The following PTPRS variants were observed in gnomAD, a reference collection of about 807,000 sequenced individuals.
PTPRS encodes protein tyrosine phosphatase receptor type S.
PTPRS carries 63 observed loss-of-function variants against 215.3 expected under a neutral mutation model. That is an observed-to-expected ratio of 0.29 (90% confidence interval 0.24 to 0.36). PTPRS has a LOEUF of 0.36. Ranked by LOEUF, PTPRS falls within the 10% of genes least tolerant of loss-of-function variation. The pLI is 1.00. For synonymous variants in PTPRS, 1,404 were observed against 1,191.4 expected, an observed-to-expected ratio of 1.18 and a Z score of -3.68; for missense variants, 2,258 against 2,825.8, an observed-to-expected ratio of 0.80 and a Z score of 4.56.
intron 1 of PTPRS, among the ~76,000 whole-genome samples, chr19:5,307,269 T>C (rs1189240277): frequency 1.3e-5 from 2 of 152,256 alleles, no homozygotes; most frequent in Middle Eastern, 3.4e-3. Flanking sequence ...GATCATGCCA[T>C]TGCACTCTAG....
intron 1 of PTPRS, among the ~76,000 whole-genome samples, chr19:5,322,134 C>T (rs1029647742): frequency 6.6e-6 from 1 of 152,234 alleles, no homozygotes; most frequent in Non-Finnish European, 1.5e-5. Context: ...TGACAGGGAA[C>T]TGCAGGCCCC....
At chr19:5,289,487 A>C (rs2048634200) in intron 1 of PTPRS, among the ~76,000 whole-genome samples, 1 of 151,980 alleles carries the variant, frequency 6.6e-6, no homozygotes, top group South Asian at 2.1e-4. Flanking sequence ...ACAGCCCTCC[A>C]TGGCTCCCAC....
At chr19:5,277,161 G>A (rs1330670009) in intron 2 of PTPRS, among the ~76,000 whole-genome samples, 1 of 149,842 alleles carries the variant, frequency 6.7e-6, no homozygotes, top group African/African-American at 2.5e-5. Flanking sequence ...CTGGGTTCAT[G>A]CCATTCTCCT....
At chr19:5,229,778 C>CCAGGATG (rs2042862721) in intron 14 of PTPRS, 94 bp from the exon 15 acceptor site, 1 of 780,918 alleles carries the variant, frequency 1.3e-6, no homozygotes, top group Non-Finnish European at 1.7e-6. Flanking sequence ...TTCCAGGATG[C>CCAGGATG]CGAGTGGCTG....
At chr19:5,328,958 CGTGG>C (rs1873495587) in intron 1 of PTPRS, among the ~76,000 whole-genome samples, 2 of 152,284 alleles carry the variant, frequency 1.3e-5, no homozygotes, top group Admixed American at 1.3e-4. Flanking sequence ...GGTCATTAGA[CGTGG>C]CAATGCTGGT....
intron 9 of PTPRS, among the ~76,000 whole-genome samples, chr19:5,249,301 A>G (rs564457770): frequency 6.6e-6 from 1 of 152,320 alleles, no homozygotes; most frequent in South Asian, 2.1e-4. Context: ...ACAGAGCGAG[A>G]CTCCATCTCC....
chr19:5,337,696 G>A (rs1233795572), intron 1 of PTPRS, among the ~76,000 whole-genome samples: 1 of 152,134 alleles, frequency 6.6e-6, no homozygotes, highest in African/African-American at 2.4e-5. Flanking sequence ...GAAAAAAATG[G>A]GTGCACAGTG....
chr19:5,258,099 T>C lies in PTPRS; in HGVS notation c.624A>G (p.Glu208=). 6.2e-7 allele frequency: 1 copy of C among 1,614,100 alleles called. No homozygotes were observed. The highest frequency in any genetic ancestry group is 8.5e-7 in the Non-Finnish European group (1 of 1,179,996). The change falls in exon 8 of 38, where the codon GAA becomes GAG. Residue 208 remains glutamate (E), a synonymous_variant. Transcript: ENST00000262963. The stretch of plus-strand genomic sequence containing the variant: ...CACACTCATATTTGCCCTGGTCGGT[T>C]TCCTCACTGCTTTCAATCTGCAGGG... The part of the protein sequence containing the change: ...RGALQIESSE[E]TDQGKYECVA...
chr19:5,218,383 G>A (rs2041676883), intron 25 of PTPRS, 37 bp downstream of exon 25: 1 of 1,560,748 alleles, frequency 6.4e-7, no homozygotes, highest in East Asian at 2.3e-5. Flanking sequence ...TATCTCCCCT[G>A]TTGGTGGCAT....
intron 13 of PTPRS, among the ~76,000 whole-genome samples, chr19:5,234,943 C>CTTTT (rs113097365): frequency 1.7e-4 from 23 of 137,806 alleles, no homozygotes; most frequent in Non-Finnish European, 2.4e-4. Context: ...TTCTTTCTTT[C>CTTTT]TTTTTTTTTT....
intron 8 of PTPRS, among the ~76,000 whole-genome samples, chr19:5,256,860 T>C (rs1185923198): frequency 6.6e-6 from 1 of 150,612 alleles, no homozygotes; most frequent in Non-Finnish European, 1.5e-5. Context: ...GGGACGAAGG[T>C]GGTGAGTGAG....
chr19:5,336,754 G>A (rs2147321101), intron 1 of PTPRS, among the ~76,000 whole-genome samples: 1 of 151,258 alleles, frequency 6.6e-6, no homozygotes, highest in South Asian at 2.1e-4. Context: ...GTCCCCACCG[G>A]AGGCTGAGCC....
At chr19:5,276,145 T>A (rs1669192815) in intron 2 of PTPRS, among the ~76,000 whole-genome samples, 1 of 152,196 alleles carries the variant, frequency 6.6e-6, no homozygotes. Context: ...GGCTTTCACA[T>A]CCACATTCTT....
chr19:5,332,159 C>T (rs1448309309), intron 1 of PTPRS, among the ~76,000 whole-genome samples: 1 of 151,520 alleles, frequency 6.6e-6, no homozygotes, highest in African/African-American at 2.4e-5. Flanking sequence ...CAGAGTCTCA[C>T]TCTATCGCCC....
chr19:5,280,887 G>A (rs564801264), intron 2 of PTPRS, among the ~76,000 whole-genome samples: 1 of 151,308 alleles, frequency 6.6e-6, no homozygotes, highest in South Asian at 2.1e-4. Context: ...CGCCTCCCAG[G>A]TTCAAGTGGT....
chr19:5,248,555 G>A (rs2044718055), intron 9 of PTPRS, among the ~76,000 whole-genome samples: 1 of 152,168 alleles, frequency 6.6e-6, no homozygotes, highest in Admixed American at 6.5e-5. Flanking sequence ...GGCCACAGGG[G>A]TGGGAGCCTC....
chr19:5,279,307 T>G (rs938272241), intron 2 of PTPRS, among the ~76,000 whole-genome samples: 1 of 152,192 alleles, frequency 6.6e-6, no homozygotes, highest in East Asian at 1.9e-4. Context: ...CCTTTTTACA[T>G]GTAGAACTAA....
chr19:5,318,101 G>A (rs1450066937), intron 1 of PTPRS, among the ~76,000 whole-genome samples: 1 of 152,016 alleles, frequency 6.6e-6, no homozygotes, highest in African/African-American at 2.4e-5. Context: ...AACCTAGGAG[G>A]TGGAGGTTGC....
At chr19:5,310,860 C>T (rs147420017) in intron 1 of PTPRS, among the ~76,000 whole-genome samples, 3,803 of 152,174 alleles carry the variant, frequency 0.025, 142 homozygotes, top group East Asian at 0.15. Flanking sequence ...CTTGTACCAC[C>T]ACACCCGGCT....
Sources: gnomAD v4.1 joint callset for allele counts (sites outside exome capture counted in the v4.1 genomes callset) on GRCh38, gnomAD v4.1.1 for gene constraint, MANE v1.5 for transcripts, NCBI Gene and HGNC (gene_info 2026-07-23, HGNC 2026-07-21) for gene names.